Variants in ADAMTSL1 observed in about 807,000 individuals in gnomAD.
ADAMTSL1 encodes the protein ADAMTS like 1, also known as ADAMTS-like protein 1.
A neutral mutation model predicts 201.8 loss-of-function variants in ADAMTSL1; 126 were observed. That is an observed-to-expected ratio of 0.62 (90% CI 0.54 to 0.72). The LOEUF is 0.72. ADAMTSL1 is among the 30% of genes least tolerant of loss of function. ADAMTSL1 has a pLI of 0.00. For synonymous variants in ADAMTSL1, 1,121 were observed against 903.4 expected (o/e 1.24, Z -4.32); for missense variants, 2,679 against 2,277.8 (o/e 1.18, Z -3.59).
At position 18,672,186 on chromosome 9, in the gene ADAMTSL1, GT is replaced by G. The variant is rs35461401; in HGVS notation, c.1086-3658del. Among the ~76,000 whole-genome samples the G allele has an allele frequency of 2.3e-3, 328 of 143,464 alleles. 1 individual carries two copies. The highest frequency in any genetic ancestry group is 3.7e-3 in the African/African-American group (148 of 39,498). The allele number at this position is 143,464 out of a possible 152,430, so 94.1% of individuals were successfully genotyped here. A position where few individuals can be genotyped will look rare whatever the true frequency, so the allele number is the denominator to read the frequency against. On this transcript the variant is annotated intron_variant, in intron 9 of 28. Coordinates refer to ENST00000380548, the MANE Select transcript of ADAMTSL1 (RefSeq NM_001040272.6). ...AGCAGTGTGAGCCCAATTTTGGCTT[GT>G]TTTTTTTTTTTTAACACTGGGGACT...
chr9:18,809,582 G>A (rs1361241564), intron 20 of ADAMTSL1, among the ~76,000 whole-genome samples: 1 of 152,166 alleles, frequency 6.6e-6, no homozygotes, highest in Non-Finnish European at 1.5e-5. Flanking sequence ...CTGAGGTCAG[G>A]AGTTCGAGAC....
At chr9:18,829,611 CT>C (rs1824848187) in intron 22 of ADAMTSL1, among the ~76,000 whole-genome samples, 1 of 152,160 alleles carries the variant, frequency 6.6e-6, no homozygotes. Flanking sequence ...ATGCCTGCTT[CT>C]TCTTACTGAC....
At chr9:18,645,443 T>A (rs1827744944) in intron 7 of ADAMTSL1, among the ~76,000 whole-genome samples, 1 of 151,820 alleles carries the variant, frequency 6.6e-6, no homozygotes, top group Non-Finnish European at 1.5e-5. Context: ...TTTTGGTGTT[T>A]TAGACATGAA....
At chr9:18,250,616 G>A (rs371410775) in intron 2 of ADAMTSL1, among the ~76,000 whole-genome samples, 4 of 152,074 alleles carry the variant, frequency 2.6e-5, no homozygotes, top group East Asian at 3.9e-4. Flanking sequence ...AGTTGATCTC[G>A]GTGACCTGGG....
At chr9:18,077,240 T>C (rs1823274098) in intron 1 of ADAMTSL1, among the ~76,000 whole-genome samples, 1 of 152,198 alleles carries the variant, frequency 6.6e-6, no homozygotes, top group Admixed American at 6.5e-5. Context: ...ATGTGGTAGT[T>C]ATCACTATAC....
chr9:18,182,003 T>A (rs1307374998), intron 2 of ADAMTSL1, among the ~76,000 whole-genome samples: 1 of 151,780 alleles, frequency 6.6e-6, no homozygotes, highest in East Asian at 1.9e-4. Context: ...ATGGATGAAA[T>A]TGGAAATCAT....
chr9:18,615,436 C>T (rs7868185), intron 4 of ADAMTSL1, among the ~76,000 whole-genome samples: 15,737 of 152,154 alleles, frequency 0.1, 909 homozygotes, highest in Middle Eastern at 0.18. Context: ...CATCCCTGTG[C>T]GTAAGTGTAG....
chr9:18,658,399 G>A (rs1347436337), intron 8 of ADAMTSL1, among the ~76,000 whole-genome samples: 1 of 152,188 alleles, frequency 6.6e-6, no homozygotes, highest in African/African-American at 2.4e-5. Context: ...TACTCATGTG[G>A]TTGAAGTAAA....
chr9:18,610,697 A>T (rs1182081737), intron 4 of ADAMTSL1, among the ~76,000 whole-genome samples: 1 of 152,198 alleles, frequency 6.6e-6, no homozygotes, highest in African/African-American at 2.4e-5. Flanking sequence ...CTAACTTGGA[A>T]ATCTGAGATG....
intron 1 of ADAMTSL1, among the ~76,000 whole-genome samples, chr9:17,935,336 T>C (rs1826961801): frequency 6.6e-6 from 1 of 152,160 alleles, no homozygotes. Context: ...TTCATTTTTT[T>C]CCACACCTAC....
rs140366111 is a variant in ADAMTSL1, at chr9:18,085,573, A to G, written c.88-78289A>G. Among the ~76,000 whole-genome samples, 35 of 150,582 alleles carry G rather than the reference A, an allele frequency of 2.3e-4. No homozygotes were observed. The East Asian group carries it at 6.9e-3, about 30-fold the overall frequency. On this transcript the variant is annotated intron_variant, in intron 1 of 29. Coordinates refer to the ADAMTSL1 transcript ENST00000680146. ...ACATACACACTGTGTGTATACATAT[A>G]TACACACTGTGTGTGTGTATACGTA...
At chr9:18,674,981 A>G (rs537833740) in intron 9 of ADAMTSL1, among the ~76,000 whole-genome samples, 2 of 141,214 alleles carry the variant, frequency 1.4e-5, no homozygotes, top group Admixed American at 7.1e-5. Flanking sequence ...TTTAGTTGAA[A>G]TCAGTGAAGT....
At chr9:18,805,533 C>A (rs2131109385) in intron 20 of ADAMTSL1, among the ~76,000 whole-genome samples, 2 of 152,318 alleles carry the variant, frequency 1.3e-5, no homozygotes, top group South Asian at 4.1e-4. Context: ...TACAGCTTTG[C>A]ATGCATCCAT....
At chr9:18,880,742 T>C (rs926555950) in intron 23 of ADAMTSL1, among the ~76,000 whole-genome samples, 2 of 152,168 alleles carry the variant, frequency 1.3e-5, no homozygotes, top group African/African-American at 4.8e-5. Context: ...AGGTGCATTA[T>C]CCCCTAACAA....
At chr9:18,757,507 G>C (rs78040538) in intron 16 of ADAMTSL1, among the ~76,000 whole-genome samples, 59 of 152,132 alleles carry the variant, frequency 3.9e-4, no homozygotes, top group African/African-American at 1.3e-3. Context: ...TACATGTCTT[G>C]TTCAGGCCTT....
chr9:18,010,904 C>T (rs963514543), intron 1 of ADAMTSL1, among the ~76,000 whole-genome samples: 1 of 151,908 alleles, frequency 6.6e-6, no homozygotes, highest in Admixed American at 6.6e-5. Context: ...ACTTTGTGCA[C>T]ATTGTTTAGA....
At chr9:18,036,244 T>C (rs1470477034) in intron 1 of ADAMTSL1, among the ~76,000 whole-genome samples, 1 of 152,210 alleles carries the variant, frequency 6.6e-6, no homozygotes, top group Non-Finnish European at 1.5e-5. Context: ...GAAGGCAGGC[T>C]GGCCCTGCAA....
At chr9:18,794,245 C>T (rs76499881) in intron 19 of ADAMTSL1, among the ~76,000 whole-genome samples, 1,659 of 151,920 alleles carry the variant, frequency 0.011, 21 homozygotes, top group African/African-American at 0.032. Flanking sequence ...CCTATCTTTA[C>T]GCAAAATTTA....
At chr9:18,251,123 ATAGG>A (rs1197243927) in intron 2 of ADAMTSL1, among the ~76,000 whole-genome samples, 1 of 152,168 alleles carries the variant, frequency 6.6e-6, no homozygotes, top group African/African-American at 2.4e-5. Flanking sequence ...TTAAAAATTA[ATAGG>A]TAAATGGATT....
Sources: allele counts gnomAD v4.1 joint callset (sites outside exome capture counted in the v4.1 genomes callset), GRCh38; gene constraint gnomAD v4.1.1; transcripts MANE v1.5; gene names NCBI Gene and HGNC (gene_info 2026-07-23, HGNC 2026-07-21).